The following PCBP3 variants were observed in gnomAD, a reference collection of about 807,000 sequenced individuals.
The protein encoded by PCBP3 is poly(rC) binding protein 3.
PCBP3 carries 25 observed loss-of-function variants against 52.7 expected under a neutral mutation model. That is an observed-to-expected ratio of 0.47 (90% CI 0.35 to 0.66). The LOEUF is 0.66. Ranked by LOEUF, PCBP3 falls within the 30% of genes least tolerant of loss-of-function variation. The pLI, the probability that PCBP3 is intolerant of heterozygous loss-of-function variation, is 0.01. For missense variants in PCBP3, 391 were observed against 490.3 expected, an observed-to-expected ratio of 0.80 and a Z score of 1.91; for synonymous variants, 162 against 183.0, an observed-to-expected ratio of 0.89 and a Z score of 0.93.
chr21:45,913,400 G>A (rs958661391), intron 11 of PCBP3, among the ~76,000 whole-genome samples: 5 of 152,222 alleles, frequency 3.3e-5, no homozygotes, highest in African/African-American at 7.2e-5. Flanking sequence ...ATAGGTCCCG[G>A]TGGAGTCCTA....
At chr21:45,926,501 G>A (rs1273832093) in intron 13 of PCBP3, among the ~76,000 whole-genome samples, 6 of 152,218 alleles carry the variant, frequency 3.9e-5, no homozygotes, top group African/African-American at 1.4e-4. Flanking sequence ...AGATGACTAT[G>A]TCAAACGGTG....
intron 5 of PCBP3, chr21:45,872,843 G>C (rs1360270640): frequency 6.6e-6 from 1 of 152,212 alleles, no homozygotes; most frequent in Non-Finnish European, 1.5e-5. Flanking sequence ...GACAGAATTT[G>C]TGATATAACG....
intron 4 of PCBP3, among the ~76,000 whole-genome samples, chr21:45,849,136 A>C (rs2093893591): frequency 6.6e-6 from 1 of 152,000 alleles, no homozygotes; most frequent in South Asian, 2.1e-4. Flanking sequence ...TTTCTGTAGG[A>C]AACTGAATTT....
At chr21:45,780,360 G>T (rs1221962891) in intron 4 of PCBP3, among the ~76,000 whole-genome samples, 1 of 152,226 alleles carries the variant, frequency 6.6e-6, no homozygotes, top group South Asian at 2.1e-4. Flanking sequence ...TCTGGAAAGA[G>T]GTTATAAATT....
At position 45,817,959 on chromosome 21, in the gene PCBP3, A is replaced by G. The variant is rs2093016611; in HGVS notation, c.-125-32002A>G. 6.6e-6 allele frequency among the ~76,000 whole-genome samples: 1 copy of G among 152,066 alleles called. No homozygotes were observed. The highest frequency in any genetic ancestry group is 2.4e-5 in the African/African-American group (1 of 41,390). ...CGTGCCACCTCCTCCCCTCATACAG[A>G]GCTTCTCCTGTTACGTACATCTTGC... On this transcript the variant is annotated intron_variant, in intron 4 of 17. Coordinates refer to ENST00000681687, the MANE Select transcript of PCBP3 (RefSeq NM_001384156.1). This position sits in a 1 kb window ranked among gnomAD's most constrained non-coding sequence, Gnocchi z 4.3.
At chr21:45,902,465 A>C (rs2096083675) in intron 9 of PCBP3, among the ~76,000 whole-genome samples, 1 of 152,184 alleles carries the variant, frequency 6.6e-6, no homozygotes, top group South Asian at 2.1e-4. Context: ...CCGCTTGGGG[A>C]TGGTTTAGTT....
chr21:45,862,104 A>T (rs2094532531), intron 5 of PCBP3, among the ~76,000 whole-genome samples: 1 of 138,776 alleles, frequency 7.2e-6, no homozygotes, highest in Non-Finnish European at 1.5e-5. Context: ...GCACTGGTCC[A>T]TTTCTGAGAG....
Position 45,800,341 on chromosome 21 carries a change from C to T in PCBP3, c.-126+44889C>T, listed in dbSNP as rs1467892069. 6.6e-6 allele frequency among the ~76,000 whole-genome samples: 1 copy of T among 152,172 alleles called. No homozygotes were observed. Among genetic ancestry groups the T allele is most frequent in the African/African-American group, 2.4e-5 (1 of 41,450 alleles). The stretch of plus-strand genomic sequence containing the variant: ...AGGATGTGGGAGCAAGCCTGTGCGC[C>T]CTGAGCCAGGCCTTCTGTGAAGTGC... On this transcript the variant is annotated intron_variant, in intron 4 of 17. Coordinates refer to ENST00000681687, the MANE Select transcript of PCBP3 (RefSeq NM_001384156.1). The surrounding 1 kb of genome is among the most constrained non-coding windows in gnomAD (Gnocchi z 5.3).
intron 3 of PCBP3, among the ~76,000 whole-genome samples, chr21:45,752,545 T>C (rs1417407295): frequency 6.6e-6 from 1 of 152,106 alleles, no homozygotes; most frequent in Non-Finnish European, 1.5e-5. Flanking sequence ...CTGTGACTCC[T>C]TTTTTGGCTT....
intron 4 of PCBP3, among the ~76,000 whole-genome samples, chr21:45,782,777 A>T (rs1347270489): frequency 1.3e-5 from 2 of 152,272 alleles, no homozygotes; most frequent in African/African-American, 4.8e-5. Flanking sequence ...CAAACCAAAG[A>T]CAAAAAAAAT....
chr21:45,814,051 A>G (rs76629441), intron 4 of PCBP3, among the ~76,000 whole-genome samples: 3,161 of 152,346 alleles, frequency 0.021, 118 homozygotes, highest in African/African-American at 0.072. Flanking sequence ...CCTAGGCTGT[A>G]TGGTACAGCC....
chr21:45,806,393 T>C (rs1848076585), intron 4 of PCBP3, among the ~76,000 whole-genome samples: 5 of 152,084 alleles, frequency 3.3e-5, no homozygotes, highest in Admixed American at 3.3e-4. Context: ...AGTCCTCCTT[T>C]CTTCTCAGAT....
rs558196619 is a variant in PCBP3, at chr21:45,741,049, G to A, written c.-162+5620G>A. 5.3e-5 allele frequency among the ~76,000 whole-genome samples: 8 copies of A among 152,188 alleles called. No individual in the cohort carries two copies. Among genetic ancestry groups the A allele is most frequent in the Admixed American group, 1.3e-4 (2 of 15,280 alleles). The stretch of plus-strand genomic sequence containing the variant: ...CTGTCCTAAACGGAAAGCAGGGCAC[G>A]GGATGGCTTCACTCCAGCTCCTCCT... On this transcript the variant is annotated intron_variant, in intron 3 of 17. Transcript: ENST00000681687. This position sits in a 1 kb window ranked among gnomAD's most constrained non-coding sequence, Gnocchi z 4.5.
intron 2 of PCBP3, among the ~76,000 whole-genome samples, chr21:45,679,955 T>C (rs1431456500): frequency 6.6e-6 from 1 of 152,234 alleles, no homozygotes; most frequent in Non-Finnish European, 1.5e-5. Context: ...GGAAAGTCTA[T>C]CCTCTCACCA....
At chr21:45,810,743 T>C (rs1160807018) in intron 4 of PCBP3, among the ~76,000 whole-genome samples, 1 of 152,236 alleles carries the variant, frequency 6.6e-6, no homozygotes, top group African/African-American at 2.4e-5. Flanking sequence ...TTGTGTAAGA[T>C]TGGTGTTGTT....
chr21:45,659,144 C>T (rs1289954089), intron 1 of PCBP3, among the ~76,000 whole-genome samples: 2 of 148,048 alleles, frequency 1.4e-5, no homozygotes, highest in African/African-American at 5.0e-5. Context: ...CATTTTTGCT[C>T]GAATATTTGT....
At chr21:45,669,639 A>T (rs879824446) in intron 2 of PCBP3, among the ~76,000 whole-genome samples, 29 of 151,838 alleles carry the variant, frequency 1.9e-4, no homozygotes, top group Admixed American at 1.8e-3. Flanking sequence ...TATGAATTTG[A>T]CTACTATAGA....
Position 45,849,890 on chromosome 21 carries a change from G to A in PCBP3, c.-125-71G>A, listed in dbSNP as rs928389782. On this transcript the variant is annotated intron_variant, in intron 4 of 17. Coordinates refer to ENST00000681687, the MANE Select transcript of PCBP3 (RefSeq NM_001384156.1). Reference sequence around the variant, plus strand: ...TGTGTTGAAGGCAAGAGGCAGTTCCGTTGAAGCCCAGTGCTGGCGGAGAGG... The same window carrying A: ...TGTGTTGAAGGCAAGAGGCAGTTCCATTGAAGCCCAGTGCTGGCGGAGAGG... 5.6e-5 allele frequency: 34 copies of A among 609,374 alleles called. No homozygotes were observed. In the South Asian group the frequency reaches 5.6e-4, roughly 10 times the overall value. The allele number at this position is 609,374 out of a possible 1,614,324, so 37.7% of individuals were successfully genotyped here. A position where few individuals can be genotyped will look rare whatever the true frequency, so the allele number is the denominator to read the frequency against.
At chr21:45,771,290 A>G (rs182052501) in intron 4 of PCBP3, among the ~76,000 whole-genome samples, 1 of 152,350 alleles carries the variant, frequency 6.6e-6, no homozygotes, top group East Asian at 1.9e-4. Flanking sequence ...ACGGGGTCCC[A>G]TGGGACGCAT....
Sources: gnomAD v4.1 joint callset for allele counts (sites outside exome capture counted in the v4.1 genomes callset) on GRCh38, gnomAD v4.1.1 for gene constraint, Gnocchi (gnomAD v3.1) non-coding constraint, MANE v1.5 for transcripts, NCBI Gene and HGNC (gene_info 2026-07-23, HGNC 2026-07-21) for gene names.